The following ITGB6 variants were observed in gnomAD, a reference collection of about 807,000 sequenced individuals.
ITGB6 encodes integrin subunit beta 6.
A neutral mutation model predicts 84.5 loss-of-function variants in ITGB6; 80 were observed. The observed-to-expected ratio is 0.95, with a 90% CI of 0.79 to 1.14. The LOEUF (loss-of-function observed/expected upper bound fraction) is 1.14, where lower values mean the gene tolerates loss of function less well. ITGB6 is among the 50% of genes most tolerant of loss of function. The probability of loss-of-function intolerance (pLI) is 0.00; values close to 1 mark genes in which losing one functional copy is unlikely to be tolerated. For missense variants in ITGB6, 1,006 were observed against 968.0 expected (o/e 1.04, Z -0.52); for synonymous variants, 383 against 354.9 (o/e 1.08, Z -0.89).
At chr2:160,108,105 A>G (rs1162856484) in intron 13 of ITGB6, among the ~76,000 whole-genome samples, 1 of 152,184 alleles carries the variant, frequency 6.6e-6, no homozygotes, top group Non-Finnish European at 1.5e-5. Flanking sequence ...CTAAAAGAGA[A>G]TCCAAAAGAG....
chr2:160,145,997 C>G (rs1406498705), intron 7 of ITGB6, among the ~76,000 whole-genome samples: 1 of 152,076 alleles, frequency 6.6e-6, no homozygotes, highest in Non-Finnish European at 1.5e-5. Context: ...TGGACAGTAA[C>G]TCTACTGGGC....
intron 12 of ITGB6, among the ~76,000 whole-genome samples, chr2:160,117,674 C>G (rs1165409361): frequency 6.6e-6 from 1 of 151,994 alleles, no homozygotes; most frequent in African/African-American, 2.4e-5. Context: ...CAGAGCAGAA[C>G]TGAAGGAAAT....
chr2:160,130,285 T>C (rs1261448914), intron 10 of ITGB6, among the ~76,000 whole-genome samples: 1 of 152,208 alleles, frequency 6.6e-6, no homozygotes, highest in African/African-American at 2.4e-5. Context: ...ATCGTCATTA[T>C]GTGGTGGATG....
intron 12 of ITGB6, among the ~76,000 whole-genome samples, chr2:160,119,804 T>C (rs1214808821): frequency 6.6e-6 from 1 of 151,668 alleles, no homozygotes; most frequent in Non-Finnish European, 1.5e-5. Flanking sequence ...TACAATGAAC[T>C]CAAACAAATT....
intron 14 of ITGB6, among the ~76,000 whole-genome samples, chr2:160,102,853 T>C (rs1696774455): frequency 1.3e-5 from 2 of 152,228 alleles, no homozygotes. Context: ...ACTCTGAGCC[T>C]TGGTGTCCCT....
intron 7 of ITGB6, among the ~76,000 whole-genome samples, chr2:160,152,335 C>G (rs1684457504): frequency 6.6e-6 from 1 of 152,160 alleles, no homozygotes; most frequent in African/African-American, 2.4e-5. Flanking sequence ...TAAACAGAAT[C>G]AATGACAAAA....
intron 4 of ITGB6, among the ~76,000 whole-genome samples, chr2:160,191,506 A>T (rs1686142806): frequency 6.6e-6 from 1 of 152,148 alleles, no homozygotes; most frequent in Admixed American, 6.5e-5. Flanking sequence ...CAAGCAAGGA[A>T]TAGAAGATCA....
At chr2:160,101,867 T>G in intron 14 of ITGB6, 33 bp from the exon 15 acceptor site, 1 of 1,283,646 alleles carries the variant, frequency 7.8e-7, no homozygotes, top group Non-Finnish European at 1.1e-6. Context: ...AGTGAAAGTA[T>G]GTATATTTTG....
chr2:160,155,030 C>G (rs1478281399), intron 7 of ITGB6, among the ~76,000 whole-genome samples: 1 of 152,154 alleles, frequency 6.6e-6, no homozygotes, highest in Non-Finnish European at 1.5e-5. Context: ...TAGCACAAAC[C>G]CCTTCTCTCT....
intron 13 of ITGB6, among the ~76,000 whole-genome samples, 164 bp from the exon 14 acceptor site, chr2:160,108,009 T>C (rs572058188): frequency 7.9e-5 from 12 of 152,180 alleles, no homozygotes; most frequent in Non-Finnish European, 1.3e-4. Flanking sequence ...TGTTGAAGAA[T>C]AGCCCTGCAT....
chr2:160,111,934 C>T (rs4664309), intron 13 of ITGB6, 146 bp downstream of exon 13: 10,841 of 811,680 alleles, frequency 0.013, 287 homozygotes, highest in East Asian at 0.089. Flanking sequence ...TAACTGGCAT[C>T]TTTCAATCCT....
intron 7 of ITGB6, among the ~76,000 whole-genome samples, chr2:160,155,245 T>C (rs932272302): frequency 6.6e-6 from 1 of 152,162 alleles, no homozygotes; most frequent in Non-Finnish European, 1.5e-5. Context: ...TGTGGCATTC[T>C]GGAAAAGGCA....
intron 7 of ITGB6, among the ~76,000 whole-genome samples, chr2:160,157,527 T>TTC (rs1482956851): frequency 1.3e-5 from 2 of 152,192 alleles, no homozygotes; most frequent in African/African-American, 4.8e-5. Context: ...GGTGGGAATC[T>TTC]TATTAGAAAT....
At chr2:160,197,395 G>A (rs973421150) in intron 2 of ITGB6, among the ~76,000 whole-genome samples, 7 of 152,138 alleles carry the variant, frequency 4.6e-5, no homozygotes, top group African/African-American at 1.7e-4. Flanking sequence ...AGATGTGGCC[G>A]TTCAAATTCT....
chr2:160,125,488 T>A (rs1683201734), intron 11 of ITGB6, among the ~76,000 whole-genome samples: 1 of 152,214 alleles, frequency 6.6e-6, no homozygotes, highest in Non-Finnish European at 1.5e-5. Flanking sequence ...CCTAATCATG[T>A]CCTCATGCTT....
intron 2 of ITGB6, among the ~76,000 whole-genome samples, chr2:160,198,213 C>T (rs1293186935): frequency 1.3e-5 from 2 of 152,116 alleles, no homozygotes; most frequent in African/African-American, 2.4e-5. Flanking sequence ...AAGCATAATT[C>T]TCTTGAATTT....
chr2:160,107,634 C>T (rs968218479), intron 14 of ITGB6, 45 bp downstream of exon 14: 6 of 1,578,778 alleles, frequency 3.8e-6, no homozygotes, highest in Non-Finnish European at 5.2e-6. Context: ...CTTCCACCAG[C>T]CTCTTTCTCC....
intron 7 of ITGB6, among the ~76,000 whole-genome samples, chr2:160,160,479 A>G (rs1659972664): frequency 6.6e-6 from 1 of 152,208 alleles, no homozygotes; most frequent in African/African-American, 2.4e-5. Context: ...AATGATTCCA[A>G]AATTTTCTGT....
intron 7 of ITGB6, among the ~76,000 whole-genome samples, chr2:160,145,654 T>C (rs1033560012): frequency 1.3e-5 from 2 of 152,162 alleles, no homozygotes; most frequent in Non-Finnish European, 2.9e-5. Context: ...CCTCTCAGTG[T>C]CTGGCTGCCA....
Sources: gnomAD v4.1 joint callset for allele counts (sites outside exome capture counted in the v4.1 genomes callset) on GRCh38, gnomAD v4.1.1 for gene constraint, MANE v1.5 for transcripts, NCBI Gene and HGNC (gene_info 2026-07-23, HGNC 2026-07-21) for gene names.